The following ASIC2 variants were observed in gnomAD, a reference collection of about 807,000 sequenced individuals.
ASIC2 encodes acid sensing ion channel subunit 2.
Under a neutral mutation model 57.3 loss-of-function variants are expected in ASIC2, and 25 were observed. The observed-to-expected ratio is 0.44, with a 90% CI of 0.32 to 0.61. ASIC2 has a LOEUF of 0.61. Among genes scored for constraint, ASIC2 ranks in the 20% least tolerant of loss-of-function variants. ASIC2 has a pLI of 0.06. For missense variants in ASIC2, 641 were observed against 738.1 expected (o/e 0.87, Z 1.52); for synonymous variants, 319 against 307.5 (o/e 1.04, Z -0.39).
Position 34,089,015 on chromosome 17 carries a change from T to G in ASIC2, c.555+66963A>C, listed in dbSNP as rs374683317. Among the ~76,000 whole-genome samples the G allele has an allele frequency of 2.7e-4, 41 of 152,296 alleles. No individual in the cohort carries two copies. The South Asian group carries it at 8.1e-3, about 30-fold the overall frequency. The stretch of plus-strand genomic sequence containing the variant: ...AAATGAGGCAATGCCTAGCCCTGCT[T>G]CGGCTCGCACACAGTGCGCTGCACC... On this transcript the variant is annotated intron_variant, in intron 1 of 9. Transcript: ENST00000359872.
At chr17:33,409,714 G>A (rs1338040605) in intron 1 of ASIC2, among the ~76,000 whole-genome samples, 1 of 152,198 alleles carries the variant, frequency 6.6e-6, no homozygotes, top group African/African-American at 2.4e-5. Context: ...GAGGGAGCTG[G>A]ACCATTTGTC....
chr17:33,415,298 A>G (rs1426798730), intron 1 of ASIC2, among the ~76,000 whole-genome samples: 1 of 152,230 alleles, frequency 6.6e-6, no homozygotes, highest in African/African-American at 2.4e-5. Flanking sequence ...TTGTATTTTC[A>G]TGTAACCTAC....
At chr17:33,567,926 T>G (rs1916295316) in intron 1 of ASIC2, among the ~76,000 whole-genome samples, 1 of 152,186 alleles carries the variant, frequency 6.6e-6, no homozygotes, top group African/African-American at 2.4e-5. Flanking sequence ...CTTAGTCCAT[T>G]GTTGATGAAG....
intron 7 of ASIC2, among the ~76,000 whole-genome samples, chr17:33,020,039 T>C (rs935076568): frequency 2.6e-5 from 4 of 151,980 alleles, no homozygotes; most frequent in African/African-American, 4.8e-5. Context: ...GTCTCTTGGC[T>C]CAGTACCTTT....
chr17:34,142,915 G>A (rs1040223044), intron 1 of ASIC2: 1 of 152,196 alleles, frequency 6.6e-6, no homozygotes, highest in African/African-American at 2.4e-5. Flanking sequence ...TGGCAACTTG[G>A]AGAAATGTCA....
At position 33,107,101 on chromosome 17, in the gene ASIC2, A is replaced by T. The variant is rs2092238062; in HGVS notation, c.859+4816T>A. On this transcript the variant is annotated intron_variant, in intron 2 of 9. Transcript: ENST00000225823. ...TTCTCATGTGCAACCTAGATAACCC[A>T]CCGCCTATTCCTTTTATCTTTGAAG... Among the ~76,000 whole-genome samples the T allele has an allele frequency of 2.6e-5, 4 of 152,334 alleles. No homozygotes were observed. In the South Asian group the frequency reaches 8.3e-4, roughly 32 times the overall value.
chr17:33,758,982 G>A (rs1910698125), intron 1 of ASIC2, among the ~76,000 whole-genome samples: 1 of 151,490 alleles, frequency 6.6e-6, no homozygotes, highest in Non-Finnish European at 1.5e-5. Flanking sequence ...CTGAAAATGT[G>A]TAAGCATTTT....
intron 1 of ASIC2, among the ~76,000 whole-genome samples, chr17:34,121,653 G>A (rs1329655215): frequency 6.6e-6 from 1 of 151,966 alleles, no homozygotes; most frequent in South Asian, 2.1e-4. Context: ...CAGCTCCTCC[G>A]AGTCTTCAGG....
chr17:34,050,555 T>C (rs1908518612), intron 1 of ASIC2, among the ~76,000 whole-genome samples: 2 of 152,318 alleles, frequency 1.3e-5, no homozygotes, highest in Non-Finnish European at 1.5e-5. Flanking sequence ...AGAATTTCTG[T>C]CCGTTTATGG....
chr17:33,381,645 G>A (rs1162074856), intron 1 of ASIC2, among the ~76,000 whole-genome samples: 1 of 152,210 alleles, frequency 6.6e-6, no homozygotes. Context: ...TCATTTGGAG[G>A]AGAAAATGAG....
chr17:33,375,048 C>T (rs1909226830), intron 1 of ASIC2, among the ~76,000 whole-genome samples: 3 of 152,238 alleles, frequency 2.0e-5, no homozygotes, highest in South Asian at 4.2e-4. Flanking sequence ...TTAAAATGCT[C>T]CTTAGGTAAT....
In ASIC2 at chr17:33,943,692, TAAA is replaced by T. The variant is rs3071252; in HGVS notation, c.555+212283_555+212285del. ...GCCAACATTCATTGAATGATAATAG[TAAA>T]AAAAAAAAAAAAAAAAATGGAGAAA... On this transcript the variant is annotated intron_variant, in intron 1 of 9. Coordinates refer to the ASIC2 transcript ENST00000359872. Among the ~76,000 whole-genome samples the T allele has an allele frequency of 4.7e-4, 56 of 119,786 alleles. No individual in the cohort carries two copies. In the South Asian group the frequency reaches 7.1e-3, roughly 15 times the overall value. The allele number at this position is 119,786 out of a possible 152,430, so 78.6% of individuals were successfully genotyped here.
intron 1 of ASIC2, among the ~76,000 whole-genome samples, chr17:33,817,839 G>A (rs1912632798): frequency 6.6e-6 from 1 of 152,142 alleles, no homozygotes; most frequent in African/African-American, 2.4e-5. Flanking sequence ...TGAAGCCTGG[G>A]GCTAGAGTTC....
intron 1 of ASIC2, among the ~76,000 whole-genome samples, chr17:33,827,062 T>C (rs886646484): frequency 3.9e-5 from 6 of 152,144 alleles, no homozygotes; most frequent in Non-Finnish European, 8.8e-5. Context: ...TTCTGTATGT[T>C]AGAAATAGTC....
chr17:33,129,149 G>A (rs891815651), intron 1 of ASIC2, among the ~76,000 whole-genome samples: 14 of 152,232 alleles, frequency 9.2e-5, no homozygotes, highest in Non-Finnish European at 1.6e-4. Context: ...GTACACCTGT[G>A]TGGCCCTGCC....
chr17:33,745,148 T>C (rs1353489097), intron 1 of ASIC2, among the ~76,000 whole-genome samples: 1 of 152,204 alleles, frequency 6.6e-6, no homozygotes, highest in African/African-American at 2.4e-5. Context: ...GAGCCACAAC[T>C]TGCTCCCTAT....
intron 1 of ASIC2, among the ~76,000 whole-genome samples, chr17:34,029,902 T>A (rs188753896): frequency 2.0e-5 from 3 of 152,274 alleles, no homozygotes; most frequent in African/African-American, 7.2e-5. Flanking sequence ...CCTGGCAGAT[T>A]TGATCACCCC....
chr17:33,129,162 A>G (rs970198647), intron 1 of ASIC2, among the ~76,000 whole-genome samples: 14 of 152,236 alleles, frequency 9.2e-5, no homozygotes, highest in African/African-American at 2.9e-4. Context: ...GCCCTGCCCT[A>G]TAGAGCCAGC....
chr17:33,424,804 G>A (rs1330706593), intron 1 of ASIC2, among the ~76,000 whole-genome samples: 1 of 151,938 alleles, frequency 6.6e-6, no homozygotes, highest in African/African-American at 2.4e-5. Flanking sequence ...TACCCCCACA[G>A]CCACCTTTGT....
Sources: allele counts gnomAD v4.1 joint callset (sites outside exome capture counted in the v4.1 genomes callset), GRCh38; gene constraint gnomAD v4.1.1; transcripts MANE v1.5; gene names NCBI Gene and HGNC (gene_info 2026-07-23, HGNC 2026-07-21).